MIB1: variants seen among roughly 807,000 people sequenced by gnomAD.
The protein encoded by MIB1 is MIB E3 ubiquitin protein ligase 1.
MIB1 carries 278 observed loss-of-function variants against 124.5 expected under a neutral mutation model. The observed-to-expected ratio is 2.23, with a 90% CI of 2.02 to 2.47. MIB1 has a LOEUF of 2.47. Among genes scored for constraint, MIB1 ranks in the 30% most tolerant of loss-of-function variants. The pLI is 0.00. For synonymous variants in MIB1, 446 were observed against 429.4 expected (o/e 1.04, Z -0.48); for missense variants, 957 against 1,254.4 (o/e 0.76, Z 3.58).
intron 1 of MIB1, chr18:21,724,052 T>C (rs2040726793): frequency 6.6e-6 from 1 of 152,258 alleles, no homozygotes; most frequent in Admixed American, 6.5e-5. Flanking sequence ...TTAGGAGGAA[T>C]TAAACCTCTT....
At position 21,838,524 on chromosome 18, in the gene MIB1, CTT is replaced by C. The variant is rs753188998; in HGVS notation, c.1962+32_1962+33del. ...TAAGAAAAGAGTTAAATAATTCCCTCTTTTTTATTTTTTTTTAAACAATTTGG... is the reference window on the plus strand; with the variant it reads ...TAAGAAAAGAGTTAAATAATTCCCTCTTTTATTTTTTTTTAAACAATTTGG... On this transcript the variant is annotated intron_variant, in intron 13 of 20. Coordinates refer to ENST00000261537, the MANE Select transcript of MIB1 (RefSeq NM_020774.4). 2.6e-6 allele frequency: 4 copies of C among 1,536,272 alleles called. No homozygotes were observed. The East Asian group carries it at 9.3e-5, about 36-fold the overall frequency.
rs140901321 is a variant in MIB1 at position 21,796,850 on chromosome 18, G to A, written c.1093-1234G>A. Among the ~76,000 whole-genome samples, 403 of 152,288 alleles carry A rather than the reference G, an allele frequency of 2.6e-3. 2 individuals are homozygous for A. Among genetic ancestry groups the A allele is most frequent in the African/African-American group, 8.6e-3 (359 of 41,572 alleles). ...TAGGAGCCAACTTGAAGGGGTTCTT[G>A]CTGACTATATACAGAGGGCTGACGA... On this transcript the variant is annotated intron_variant, in intron 7 of 20. Coordinates refer to ENST00000261537, the MANE Select transcript of MIB1 (RefSeq NM_020774.4).
intron 1 of MIB1, among the ~76,000 whole-genome samples, chr18:21,752,076 T>C (rs1284874777): frequency 1.3e-5 from 2 of 152,240 alleles, no homozygotes; most frequent in Non-Finnish European, 2.9e-5. Context: ...AAAGAGTTTT[T>C]GTTGTTAAAG....
At chr18:21,826,942 A>C (rs1424122733) in intron 12 of MIB1, 2 of 152,112 alleles carry the variant, frequency 1.3e-5, no homozygotes, top group Non-Finnish European at 2.9e-5. Flanking sequence ...ACAGGTGTTA[A>C]ACTGCCTAAA....
At chr18:21,724,439 T>C (rs2040728589) in intron 1 of MIB1, among the ~76,000 whole-genome samples, 1 of 151,424 alleles carries the variant, frequency 6.6e-6, no homozygotes, top group African/African-American at 2.4e-5. Context: ...GTGTGGTGGC[T>C]CATGCCTGTA....
chr18:21,811,366 A>G (rs753186345), intron 10 of MIB1, among the ~76,000 whole-genome samples: 1 of 152,178 alleles, frequency 6.6e-6, no homozygotes, highest in Non-Finnish European at 1.5e-5. Flanking sequence ...TCTGCTTTTG[A>G]ATATATATCC....
chr18:21,791,398 C>T lies in MIB1; in HGVS notation c.933C>T (p.Leu311=), dbSNP rs888626600. The part of the protein sequence containing the change: ...GNRWTFNPAV[L]TKANIVRSGD... ...GGTGGACCTTCAATCCTGCTGTTCT[C>T]ACTAAAGCGAACATTGTCCGAAGTG... is the stretch of plus-strand genomic sequence containing the variant. The change falls in exon 7 of 21, where the codon CTC becomes CTT. Residue 311 remains leucine, a synonymous_variant. Transcript: ENST00000261537. 3 of 1,613,282 alleles carry T rather than the reference C, an allele frequency of 1.9e-6. No homozygotes were observed. In the African/African-American group the frequency reaches 4.0e-5, roughly 22 times the overall value.
chr18:21,763,855 G>A (rs1257701301), intron 1 of MIB1, among the ~76,000 whole-genome samples: 1 of 151,790 alleles, frequency 6.6e-6, no homozygotes, highest in African/African-American at 2.4e-5. Flanking sequence ...CTTTTAATCT[G>A]ACTCCCTTTC....
intron 5 of MIB1, among the ~76,000 whole-genome samples, chr18:21,778,455 TACA>T (rs962085826): frequency 1.4e-4 from 22 of 152,320 alleles, no homozygotes; most frequent in Admixed American, 4.6e-4. Flanking sequence ...TGCATTAGAT[TACA>T]ACAATTGTAT....
intron 1 of MIB1, among the ~76,000 whole-genome samples, chr18:21,742,305 G>A (rs970357694): frequency 1.9e-4 from 28 of 147,428 alleles, no homozygotes; most frequent in African/African-American, 6.6e-4. Flanking sequence ...AACCTCCTGT[G>A]ACACAGAATT....
At chr18:21,761,931 AAAC>A (rs1189337678) in intron 1 of MIB1, among the ~76,000 whole-genome samples, 1 of 98,580 alleles carries the variant, frequency 1.0e-5, no homozygotes. Flanking sequence ...TGTACCCAGA[AAAC>A]AATCTGGAAA....
At chr18:21,743,116 G>A (rs997712144) in intron 1 of MIB1, among the ~76,000 whole-genome samples, 3 of 152,158 alleles carry the variant, frequency 2.0e-5, no homozygotes, top group Non-Finnish European at 2.9e-5. Context: ...AAGGGTGTAT[G>A]TACATGACTA....
chr18:21,725,123 T>A (rs1306380581), intron 1 of MIB1, among the ~76,000 whole-genome samples: 1 of 146,400 alleles, frequency 6.8e-6, no homozygotes, highest in Non-Finnish European at 1.5e-5. Context: ...AAAAGACGAA[T>A]GTCATAAATT....
chr18:21,818,236 G>A (rs1286899375), intron 11 of MIB1, among the ~76,000 whole-genome samples: 1 of 152,118 alleles, frequency 6.6e-6, no homozygotes, highest in Non-Finnish European at 1.5e-5. Context: ...TTAGTATGGT[G>A]AACAGCCTGG....
At chr18:21,851,844 G>A (rs1232775835) in intron 17 of MIB1, among the ~76,000 whole-genome samples, 1 of 152,078 alleles carries the variant, frequency 6.6e-6, no homozygotes, top group Non-Finnish European at 1.5e-5. Flanking sequence ...AATAATTGGA[G>A]GAAAAGGTAT....
intron 1 of MIB1, among the ~76,000 whole-genome samples, chr18:21,750,554 C>G (rs1170812444): frequency 6.6e-6 from 1 of 152,160 alleles, no homozygotes; most frequent in Non-Finnish European, 1.5e-5. Context: ...GTCTCCATCT[C>G]CTGATCTTGT....
chr18:21,717,713 C>A (rs543694836), intron 1 of MIB1, among the ~76,000 whole-genome samples: 1 of 152,206 alleles, frequency 6.6e-6, no homozygotes, highest in Non-Finnish European at 1.5e-5. Flanking sequence ...CTTACTCCTG[C>A]AAAAATGGCC....
At chr18:21,784,630 A>G (rs1291349044) in intron 6 of MIB1, among the ~76,000 whole-genome samples, 1 of 152,150 alleles carries the variant, frequency 6.6e-6, no homozygotes, top group Non-Finnish European at 1.5e-5. Flanking sequence ...TTGTTCTACA[A>G]TTGTAACCTA....
At chr18:21,746,102 A>T (rs931200598) in intron 1 of MIB1, among the ~76,000 whole-genome samples, 4 of 152,216 alleles carry the variant, frequency 2.6e-5, no homozygotes, top group South Asian at 2.1e-4. Flanking sequence ...TTGATTATTC[A>T]TCATTTGTTC....
Sources: gnomAD v4.1 joint callset for allele counts (sites outside exome capture counted in the v4.1 genomes callset) on GRCh38, gnomAD v4.1.1 for gene constraint, MANE v1.5 for transcripts, NCBI Gene and HGNC (gene_info 2026-07-23, HGNC 2026-07-21) for gene names.